Variants in USP35 observed in about 807,000 individuals in gnomAD.
USP35 encodes the protein ubiquitin specific peptidase 35.
USP35 carries 69 observed loss-of-function variants against 83.8 expected under a neutral mutation model. That is an observed-to-expected ratio of 0.82 (90% CI 0.68 to 1.01). USP35 has a LOEUF of 1.01. Among genes scored for constraint, USP35 ranks in the 50% least tolerant of loss-of-function variants. The probability of loss-of-function intolerance (pLI) is 0.00; values close to 1 mark genes in which losing one functional copy is unlikely to be tolerated. For missense variants in USP35, 1,503 were observed against 1,362.5 expected, an observed-to-expected ratio of 1.10 and a Z score of -1.62; for synonymous variants, 714 against 589.5, an observed-to-expected ratio of 1.21 and a Z score of -3.06.
In USP35 at chr11:78,188,924, C is replaced by T. The variant is rs1862911893; in HGVS notation, c.-244C>T. On this transcript the variant is annotated 5_prime_UTR_variant, in exon 1 of 11. Coordinates refer to ENST00000529308, the MANE Select transcript of USP35 (RefSeq NM_020798.4). ...CTCCCCATGCTTCATCCCGCAGCCCCGGGGCCGCGCCGCAGAGTCGGGCTT... is the reference window on the plus strand; with the variant it reads ...CTCCCCATGCTTCATCCCGCAGCCCTGGGGCCGCGCCGCAGAGTCGGGCTT... The T allele has an allele frequency of 2.0e-6, 2 of 985,582 alleles. No individual in the cohort carries two copies. The highest frequency in any genetic ancestry group is 1.7e-5 in the African/African-American group (1 of 57,256). The allele number at this position is 985,582 out of a possible 1,614,324, so 61.1% of individuals were successfully genotyped here.
chr11:78,193,267 C>T (rs1393409324), intron 1 of USP35, among the ~76,000 whole-genome samples: 2 of 151,716 alleles, frequency 1.3e-5, no homozygotes, highest in African/African-American at 2.4e-5. Flanking sequence ...GATCTCAGCT[C>T]ACTGCAACCT....
the USP35 span, chr11:78,226,412 A>T: frequency 7.3e-7 from 1 of 1,375,170 alleles, no homozygotes; most frequent in African/African-American, 1.4e-5. Context: ...ACTATTGAGA[A>T]CCCCTGTGTT....
chr11:78,193,367 ATT>A (rs796844904), intron 1 of USP35, among the ~76,000 whole-genome samples: 24 of 131,710 alleles, frequency 1.8e-4, no homozygotes, highest in African/African-American at 2.9e-4. Flanking sequence ...AATTGATGTA[ATT>A]TTTTTTTTTT....
At chr11:78,201,488 AAATGTCTAC>A (rs1863359057) in intron 6 of USP35, among the ~76,000 whole-genome samples, 3 of 152,330 alleles carry the variant, frequency 2.0e-5, no homozygotes, top group African/African-American at 7.2e-5. Context: ...CAGCTTTTGA[AAATGTCTAC>A]AAGGTTTGGC....
At chr11:78,218,948 A>C, downstream of USP35, 1 of 242,176 alleles carries the variant, frequency 4.1e-6, no homozygotes, top group East Asian at 9.8e-5. Flanking sequence ...CTTCCCTCCA[A>C]ACATCTGGTA....
At position 78,210,554 on chromosome 11, in the gene USP35, T is replaced by C. The variant is rs931680919; in HGVS notation, c.2699T>C (p.Phe900Ser). The change falls in exon 10 of 11, where the codon TTC (phenylalanine) becomes TCC (serine). Residue 900 changes from phenylalanine (F) to serine (S), a missense_variant. Physicochemically the swap from Phe to Ser is radical, Grantham distance 155. Coordinates refer to ENST00000529308, the MANE Select transcript of USP35 (RefSeq NM_020798.4). Reference sequence around the variant, plus strand: ...CTGTTCAATGACACTCGGGTGTCCTTCTCTTCCTTCGAATCTGTCAGCAAC... The same window carrying C: ...CTGTTCAATGACACTCGGGTGTCCTCCTCTTCCTTCGAATCTGTCAGCAAC... ...WYLFNDTRVSFSSFESVSNVT... is the reference protein window; with the variant it reads ...WYLFNDTRVSSSSFESVSNVT... 6.2e-7 allele frequency: 1 copy of C among 1,613,042 alleles called. No individual in the cohort carries two copies. The highest frequency in any genetic ancestry group is 8.5e-7 in the Non-Finnish European group (1 of 1,179,070).
chr11:78,212,519 T>G (rs2134421409), intron 10 of USP35, among the ~76,000 whole-genome samples: 1 of 152,286 alleles, frequency 6.6e-6, no homozygotes, highest in East Asian at 1.9e-4. Flanking sequence ...GTTAATTACA[T>G]TGGGCAGTAT....
chr11:78,198,180 A>G, intron 3 of USP35, 112 bp downstream of exon 3: 2 of 1,479,512 alleles, frequency 1.4e-6, no homozygotes, highest in Non-Finnish European at 1.8e-6. Flanking sequence ...CAGAGGGCCC[A>G]GGCCCTCATG....
chr11:78,212,077 T>C (rs116540729), intron 10 of USP35, among the ~76,000 whole-genome samples: 1,558 of 152,364 alleles, frequency 0.01, 21 homozygotes, highest in African/African-American at 0.028. Flanking sequence ...CCTTTGGGTT[T>C]TACATTTAAG....
At position 78,188,921 on chromosome 11, in the gene USP35, C is replaced by G. The variant is rs937146423; in HGVS notation, c.-247C>G. 1 of 985,552 alleles carries G rather than the reference C, an allele frequency of 1.0e-6. No homozygotes were observed. The highest frequency in any genetic ancestry group is 1.2e-6 in the Non-Finnish European group (1 of 830,142). 61.1% of individuals were successfully genotyped at this position (985,552 alleles called of 1,614,324 possible). Reference sequence around the variant, plus strand: ...CCCCTCCCCATGCTTCATCCCGCAGCCCCGGGGCCGCGCCGCAGAGTCGGG... The same window carrying G: ...CCCCTCCCCATGCTTCATCCCGCAGGCCCGGGGCCGCGCCGCAGAGTCGGG... On this transcript the variant is annotated 5_prime_UTR_variant, in exon 1 of 11. Coordinates refer to ENST00000529308, the MANE Select transcript of USP35 (RefSeq NM_020798.4).
At position 78,196,880 on chromosome 11, in the gene USP35, C is replaced by T. The variant is rs778434918; in HGVS notation, c.635C>T (p.Pro212Leu). The T allele has an allele frequency of 2.7e-6, 4 of 1,477,216 alleles. No homozygotes were observed. The highest frequency in any genetic ancestry group is 1.4e-5 in the African/African-American group (1 of 69,526). 91.5% of individuals were successfully genotyped at this position (1,477,216 alleles called of 1,614,324 possible). ...CGCGCACAGCCCGCCGCCATCCTGC[C>T]CTGCCTCAAAGAGCTGTTCGCAGTC... ...LWRAQPAAIL[P>L]CLKELFAVIS... Residue 212 changes from proline to leucine, a missense_variant, in exon 2 of 11, where the codon CCC becomes CTC. Pro to Leu is a moderately conservative substitution (Grantham distance 98). Transcript: ENST00000529308. This position sits in a 1 kb window ranked among gnomAD's most constrained non-coding sequence, Gnocchi z 4.8.
At chr11:78,213,268 G>C (rs1863871623) in intron 10 of USP35, among the ~76,000 whole-genome samples, 1 of 152,146 alleles carries the variant, frequency 6.6e-6, no homozygotes, top group Non-Finnish European at 1.5e-5. Flanking sequence ...CTGACGTCCT[G>C]GTAGCAGGAG....
At position 78,208,833 on chromosome 11, in the gene USP35, T is replaced by C. The variant is rs1863618454; in HGVS notation, c.1486-24T>C. 4 of 1,613,580 alleles carry C rather than the reference T, an allele frequency of 2.5e-6. No homozygotes were observed. In the African/African-American group the frequency reaches 4.0e-5, roughly 16 times the overall value. The stretch of plus-strand genomic sequence containing the variant: ...GTGAGTGGCCTCCTGCTCCTGACCA[T>C]GCCTTTCGCCTGCCTTGTCCTAGCG... On this transcript the variant is annotated intron_variant, in intron 8 of 10. Coordinates refer to ENST00000529308, the MANE Select transcript of USP35 (RefSeq NM_020798.4).
downstream of USP35, chr11:78,217,555 G>A (rs186554426): frequency 2.0e-5 from 3 of 152,370 alleles, no homozygotes; most frequent in East Asian, 5.8e-4. Flanking sequence ...TTGGGAGGAA[G>A]AAGTTCTGTT....
rs1040622113 is a variant in USP35, at chr11:78,188,978, G to C, written c.-190G>C. 35 of 983,024 alleles carry C rather than the reference G, an allele frequency of 3.6e-5. No individual in the cohort carries two copies. Among genetic ancestry groups the C allele is most frequent in the South Asian group, 9.4e-5 (2 of 21,258 alleles). 60.9% of individuals were successfully genotyped at this position (983,024 alleles called of 1,614,324 possible). A position where few individuals can be genotyped will look rare whatever the true frequency, so the allele number is the denominator to read the frequency against. On this transcript the variant is annotated 5_prime_UTR_variant, in exon 1 of 11. Coordinates refer to ENST00000529308, the MANE Select transcript of USP35 (RefSeq NM_020798.4). ...GGATACATAGAGGCTTGTGCCAGGC[G>C]GGGTGGGAAGACTGGATTTTGCAGT... is the stretch of plus-strand genomic sequence containing the variant.
chr11:78,216,279 G>A (rs964902740), downstream of USP35: 3 of 152,326 alleles, frequency 2.0e-5, no homozygotes, highest in African/African-American at 7.2e-5. Context: ...GAGAGCCCCA[G>A]GCAGGGGGCC....
chr11:78,233,054 T>G, the USP35 span, among the ~76,000 whole-genome samples: 1 of 151,354 alleles, frequency 6.6e-6, no homozygotes. Context: ...TTTTTTTTTT[T>G]TTGGTGACAA....
chr11:78,210,294 C>T lies in USP35; in HGVS notation c.2439C>T (p.Phe813=), dbSNP rs757560532. The T allele has an allele frequency of 3.5e-5, 56 of 1,613,938 alleles. No individual in the cohort carries two copies. Among genetic ancestry groups the T allele is most frequent in the African/African-American group, 4.0e-5 (3 of 74,954 alleles). The change falls in exon 10 of 11, where the codon TTC becomes TTT. Residue 813 remains phenylalanine (F), a synonymous_variant. Coordinates refer to ENST00000529308, the MANE Select transcript of USP35 (RefSeq NM_020798.4). Reference sequence around the variant, plus strand: ...TCCTCACACTGCTGCGCTTCTCTTTCGACCTGCGCACCATGCGGCGCCGCA... The same window carrying T: ...TCCTCACACTGCTGCGCTTCTCTTTTGACCTGCGCACCATGCGGCGCCGCA... ...YLILTLLRFS[F]DLRTMRRRKI...
downstream of USP35, chr11:78,219,381 A>C: frequency 6.2e-7 from 1 of 1,613,978 alleles, no homozygotes; most frequent in Non-Finnish European, 8.5e-7. Context: ...AACGTAGTCC[A>C]CCTTCTCATC....
Sources: gnomAD v4.1 joint callset for allele counts (sites outside exome capture counted in the v4.1 genomes callset) on GRCh38, gnomAD v4.1.1 for gene constraint, Gnocchi (gnomAD v3.1) non-coding constraint, MANE v1.5 for transcripts, NCBI Gene and HGNC (gene_info 2026-07-23, HGNC 2026-07-21) for gene names.